Variants in RAVER2 observed in about 807,000 individuals in gnomAD.
RAVER2 encodes ribonucleoprotein, PTB binding 2.
In RAVER2, 46 loss-of-function variants were observed where a neutral mutation model predicts 78.1. The observed-to-expected ratio is 0.59, with a 90% CI of 0.46 to 0.75. The LOEUF is 0.75. Among genes scored for constraint, RAVER2 ranks in the 30% least tolerant of loss-of-function variants. RAVER2 has a pLI of 0.00. For synonymous variants in RAVER2, 311 were observed against 313.3 expected (o/e 0.99, Z 0.08); for missense variants, 793 against 837.5 (o/e 0.95, Z 0.66).
exon 4 of RAVER2, chr1:64,781,547 A>G: frequency 1.9e-6 from 3 of 1,613,054 alleles, no homozygotes; most frequent in Non-Finnish European, 2.5e-6. Flanking sequence ...GTACATTAGC[A>G]GCATTGATAG....
intron 5 of RAVER2, among the ~76,000 whole-genome samples, chr1:64,798,101 G>A (rs1247741075): frequency 1.1e-4 from 13 of 115,854 alleles, no homozygotes; most frequent in African/African-American, 1.7e-4. Flanking sequence ...AGTCCCCAGC[G>A]TGTGATATTC....
intron 2 of RAVER2, among the ~76,000 whole-genome samples, chr1:64,772,718 A>T (rs1652354554): frequency 1.3e-5 from 2 of 152,168 alleles, no homozygotes; most frequent in Admixed American, 1.3e-4. Context: ...AGGCAAGGGA[A>T]TTAAATGTGT....
At chr1:64,816,172 C>G (rs1653752115) in intron 11 of RAVER2, 1 of 151,936 alleles carries the variant, frequency 6.6e-6, no homozygotes, top group Non-Finnish European at 1.5e-5. Flanking sequence ...TTGCCTTTTT[C>G]TTAGCAGTTT....
intron 3 of RAVER2, among the ~76,000 whole-genome samples, chr1:64,778,716 A>G (rs980200010): frequency 6.7e-6 from 1 of 148,820 alleles, no homozygotes; most frequent in Non-Finnish European, 1.5e-5. Context: ...TATATATACT[A>G]TATATAACAC....
At chr1:64,774,114 T>G (rs1652396827) in intron 2 of RAVER2, among the ~76,000 whole-genome samples, 1 of 152,236 alleles carries the variant, frequency 6.6e-6, no homozygotes, top group South Asian at 2.1e-4. Context: ...AAAAATTTTC[T>G]CCCGTTCTGT....
At chr1:64,787,895 G>T (rs1460157610) in intron 4 of RAVER2, among the ~76,000 whole-genome samples, 2 of 152,158 alleles carry the variant, frequency 1.3e-5, no homozygotes, top group African/African-American at 2.4e-5. Flanking sequence ...TTTCTCACAG[G>T]CTTTATGTCA....
intron 5 of RAVER2, among the ~76,000 whole-genome samples, chr1:64,796,842 T>C (rs1653109660): frequency 6.6e-6 from 1 of 152,156 alleles, no homozygotes; most frequent in Non-Finnish European, 1.5e-5. Context: ...AAAACTAGAT[T>C]ATTCACTTGA....
At chr1:64,814,834 T>C in exon 11 of RAVER2, 4 of 1,569,642 alleles carry the variant, frequency 2.5e-6, no homozygotes, top group Non-Finnish European at 3.5e-6. Flanking sequence ...TTGGTGATTA[T>C]GCACAGGTAA....
chr1:64,786,017 T>G (rs978698901), intron 4 of RAVER2, among the ~76,000 whole-genome samples: 1 of 152,198 alleles, frequency 6.6e-6, no homozygotes, highest in Non-Finnish European at 1.5e-5. Context: ...TTTTATTTCT[T>G]TGTGATACTA....
At chr1:64,786,476 T>TTG (rs1441731041) in intron 4 of RAVER2, among the ~76,000 whole-genome samples, 6 of 152,204 alleles carry the variant, frequency 3.9e-5, no homozygotes, top group Non-Finnish European at 8.8e-5. Flanking sequence ...AATTTTCAGT[T>TTG]TCTTTAATTG....
chr1:64,755,168 A>G (rs1444622625), intron 1 of RAVER2, among the ~76,000 whole-genome samples: 1 of 152,232 alleles, frequency 6.6e-6, no homozygotes, highest in Non-Finnish European at 1.5e-5. Flanking sequence ...TTTAAAACAA[A>G]TCAAGAATAT....
intron 9 of RAVER2, among the ~76,000 whole-genome samples, chr1:64,812,317 G>A (rs1209164138): frequency 1.5e-5 from 2 of 133,960 alleles, no homozygotes; most frequent in Admixed American, 8.6e-5. Flanking sequence ...AGCTGAGATT[G>A]CACCATTGCA....
exon 12 of RAVER2, chr1:64,830,956 A>C (rs776224836): frequency 6.2e-7 from 1 of 1,613,664 alleles, no homozygotes; most frequent in Non-Finnish European, 8.5e-7. Flanking sequence ...TTACATGGAA[A>C]CTTACTTAAA....
At position 64,807,785 on chromosome 1, in the gene RAVER2, T is replaced by C. The variant is rs116147553; in HGVS notation, c.1680+311T>C. On this transcript the variant is annotated intron_variant, in intron 9 of 11. Coordinates refer to ENST00000294428, the Ensembl canonical transcript of RAVER2. ...ACGTCTCTTATAAATAATTTAAATG[T>C]GGATTCTTTATTCCTTATAAGAGAA... 3.1e-3 allele frequency among the ~76,000 whole-genome samples: 467 copies of C among 152,320 alleles called. 1 individual carries two copies. Among genetic ancestry groups the C allele is most frequent in the African/African-American group, 0.011 (437 of 41,580 alleles).
exon 4 of RAVER2, chr1:64,781,417 C>T: frequency 6.2e-7 from 1 of 1,612,168 alleles, no homozygotes; most frequent in Non-Finnish European, 8.5e-7. Context: ...GGTGGCTTTG[C>T]AGTGGTTGAA....
At chr1:64,776,200 A>G (rs1163092351) in intron 2 of RAVER2, among the ~76,000 whole-genome samples, 2 of 152,120 alleles carry the variant, frequency 1.3e-5, no homozygotes, top group African/African-American at 4.8e-5. Flanking sequence ...ATTGTATTTT[A>G]TGTCAGCATA....
exon 4 of RAVER2, chr1:64,781,561 C>T: frequency 1.9e-6 from 3 of 1,610,272 alleles, no homozygotes; most frequent in Non-Finnish European, 2.5e-6. Context: ...TTGATAGCGG[C>T]TCAACGTGTG....
intron 11 of RAVER2, among the ~76,000 whole-genome samples, chr1:64,819,754 G>T (rs928125991): frequency 6.6e-6 from 1 of 152,278 alleles, no homozygotes; most frequent in Admixed American, 6.5e-5. Flanking sequence ...TAAAAACAAT[G>T]CACGTTGTCT....
rs1363019610 is a variant in RAVER2 at position 64,804,730 on chromosome 1, A to G, written c.1192-4A>G. 5 of 1,349,558 alleles carry G rather than the reference A, an allele frequency of 3.7e-6. No individual in the cohort carries two copies. Among genetic ancestry groups the G allele is most frequent in the Admixed American group, 3.8e-5 (2 of 52,558 alleles). The allele number at this position is 1,349,558 out of a possible 1,614,324, so 83.6% of individuals were successfully genotyped here. On this transcript the variant is annotated splice_region_variant and splice_polypyrimidine_tract_variant and intron_variant, in intron 6 of 11. Transcript: ENST00000294428. ...AAACTGACAACGTTTTGTCATTTTC[A>G]CAGAGCTCAGTTATGGGTAATACTT...
Sources: gnomAD v4.1 joint callset for allele counts (sites outside exome capture counted in the v4.1 genomes callset) on GRCh38, gnomAD v4.1.1 for gene constraint, MANE v1.5 for transcripts, NCBI Gene and HGNC (gene_info 2026-07-23, HGNC 2026-07-21) for gene names.